The following ZNF14 variants were observed in gnomAD, a reference collection of about 807,000 sequenced individuals.
ZNF14 encodes the protein zinc finger protein 14, also known as gonadotropin inducible transcription repressor-4.
Under a neutral mutation model 11.3 loss-of-function variants are expected in ZNF14, and 9 were observed. That is an observed-to-expected ratio of 0.80 (90% CI 0.48 to 1.39). The LOEUF is 1.39. Ranked by LOEUF, ZNF14 falls within the 40% of genes most tolerant of loss-of-function variation. The pLI is 0.00. For missense variants in ZNF14, 711 were observed against 763.9 expected (o/e 0.93, Z 0.82); for synonymous variants, 239 against 245.7 (o/e 0.97, Z 0.25).
rs1411668065 is a variant in ZNF14, at chr19:19,712,563, T to A, written c.718A>T (p.Arg240Ter). 6.2e-7 allele frequency: 1 copy of A among 1,612,878 alleles called. No individual in the cohort carries two copies. The highest frequency in any genetic ancestry group is 2.2e-5 in the East Asian group (1 of 44,880). ...TCTCCAGTGTGAGTCCTTTTGTGTCTTTGAAAAGATTGGTAACATATAAAG... is the reference window on the plus strand; with the variant it reads ...TCTCCAGTGTGAGTCCTTTTGTGTCATTGAAAAGATTGGTAACATATAAAG... The part of the protein sequence containing the change: ...KAFICYQSFQ[R>*]HKRTHTGEKP... Residue 240 changes from arginine to a stop codon, truncating the protein, a stop_gained, in exon 4 of 4, where the codon AGA (arginine) becomes TGA (stop). Coordinates refer to ENST00000344099, the MANE Select transcript of ZNF14 (RefSeq NM_021030.3). LOFTEE classifies it low-confidence loss of function (END_TRUNC).
At position 19,712,113 on chromosome 19, in the gene ZNF14, GT is replaced by G; in HGVS notation, c.1167del (p.Lys389AsnfsTer317). 6.2e-7 allele frequency: 1 copy of G among 1,613,906 alleles called. No homozygotes were observed. The highest frequency in any genetic ancestry group is 1.1e-5 in the South Asian group (1 of 91,066). ...RLHERTHTGE[K>X]PYECKQCHKT... ...TTATGACACTGTTTACACTCATAAG[GT>G]TTCTCTCCAGTATGAGTTCTTTCAT... On this transcript the variant is annotated frameshift_variant, in exon 4 of 4. Coordinates refer to ENST00000344099, the MANE Select transcript of ZNF14 (RefSeq NM_021030.3). LOFTEE classifies it low-confidence loss of function (END_TRUNC).
intron 1 of ZNF14, among the ~76,000 whole-genome samples, chr19:19,719,988 G>C (rs188956350): frequency 6.6e-6 from 1 of 152,134 alleles, no homozygotes; most frequent in African/African-American, 2.4e-5. Context: ...AGTGACACAG[G>C]GGCATTATGT....
At chr19:19,717,676 G>C (rs146586645) in intron 1 of ZNF14, among the ~76,000 whole-genome samples, 59 of 152,242 alleles carry the variant, frequency 3.9e-4, no homozygotes, top group Non-Finnish European at 6.3e-4. Flanking sequence ...TAGGAGCTCT[G>C]TGCTAGGAAT....
rs775506473 is a variant in ZNF14, at chr19:19,712,425, TAC to T, written c.854_855del (p.Gly285GlufsTer13). 2 of 1,558,418 alleles carry T rather than the reference TAC, an allele frequency of 1.3e-6. No individual in the cohort carries two copies. Among genetic ancestry groups the T allele is most frequent in the African/African-American group, 2.7e-5 (2 of 74,242 alleles). ...GEKPYKCKECGKAFSFLSSFR... is the reference protein window; with the variant it reads ...GEKPYKCKECXKAFSFLSSFR... ...AAAGAACTGAGAAAACTGAAGGCTT[TAC>T]CACATTCTTTACATTTGTAGGGTTT... On this transcript the variant is annotated frameshift_variant, in exon 4 of 4. Transcript: ENST00000344099. LOFTEE classifies it low-confidence loss of function (END_TRUNC).
intron 1 of ZNF14, among the ~76,000 whole-genome samples, chr19:19,730,692 C>T (rs2062420815): frequency 6.6e-6 from 1 of 152,082 alleles, no homozygotes; most frequent in Non-Finnish European, 1.5e-5. Context: ...GCGGGCGGAT[C>T]ACCTGAGGTT....
At position 19,711,652 on chromosome 19, in the gene ZNF14, G is replaced by A. The variant is rs367674560; in HGVS notation, c.1629C>T (p.Ser543=). 3.1e-6 allele frequency: 5 copies of A among 1,613,518 alleles called. No homozygotes were observed. Among genetic ancestry groups the A allele is most frequent in the Non-Finnish European group, 2.5e-6 (3 of 1,179,896 alleles). The change falls in exon 4 of 4, where the codon TCC becomes TCT. Residue 543 remains serine (S), a synonymous_variant. Coordinates refer to ENST00000344099, the MANE Select transcript of ZNF14 (RefSeq NM_021030.3). ...CKQCGKAFLR[S]SQIRLHERTH... is the part of the protein sequence containing the mutation. ...TCCTTTCATGCAATCGAATTTGACT[G>A]GAACGAAGGAAGGCCTTACCACATT...
At chr19:19,729,898 T>C (rs1333154581) in intron 1 of ZNF14, among the ~76,000 whole-genome samples, 3 of 152,202 alleles carry the variant, frequency 2.0e-5, no homozygotes, top group East Asian at 1.9e-4. Context: ...TGGCTACATA[T>C]ACCTAGACCG....
At chr19:19,728,008 C>T (rs1272828159) in intron 1 of ZNF14, among the ~76,000 whole-genome samples, 2 of 132,204 alleles carry the variant, frequency 1.5e-5, no homozygotes, top group African/African-American at 5.6e-5. Context: ...CCCAGCCACT[C>T]GGGAGGCTGA....
chr19:19,728,754 A>G (rs1348134039), intron 1 of ZNF14, among the ~76,000 whole-genome samples: 1 of 132,886 alleles, frequency 7.5e-6, no homozygotes, highest in Admixed American at 7.4e-5. Context: ...CCACGGGAAA[A>G]AATACCAATG....
chr19:19,730,836 T>C (rs892948229), intron 1 of ZNF14, among the ~76,000 whole-genome samples: 2 of 152,070 alleles, frequency 1.3e-5, no homozygotes, highest in African/African-American at 4.8e-5. Flanking sequence ...CGCTTGAACC[T>C]GGAAGGCGGA....
At position 19,727,544 on chromosome 19, in the gene ZNF14, C is replaced by T. The variant is rs1389920276; in HGVS notation, c.3+5412G>A. 3.7e-5 allele frequency among the ~76,000 whole-genome samples: 5 copies of T among 133,440 alleles called. 1 individual carries two copies. Among genetic ancestry groups the T allele is most frequent in the Non-Finnish European group, 6.7e-5 (4 of 60,104 alleles). The allele number at this position is 133,440 out of a possible 152,430, so 87.5% of individuals were successfully genotyped here. On this transcript the variant is annotated intron_variant, in intron 1 of 3. Coordinates refer to ENST00000344099, the MANE Select transcript of ZNF14 (RefSeq NM_021030.3). ...AGCCACCGTAAAAATTCCTGAGCCT[C>T]GAATACATAGATATCCAACAATGCC...
Position 19,715,812 on chromosome 19 carries a change from A to G in ZNF14, c.4-1325T>C, listed in dbSNP as rs193014481. On this transcript the variant is annotated intron_variant, in intron 1 of 3. Transcript: ENST00000344099. Reference sequence around the variant, plus strand: ...CTTACATACAACTGAGTTTTTGCTTATACATTTTTAAAATTTCTTTTAATT... The same window carrying G: ...CTTACATACAACTGAGTTTTTGCTTGTACATTTTTAAAATTTCTTTTAATT... 6.6e-3 allele frequency among the ~76,000 whole-genome samples: 998 copies of G among 152,340 alleles called. 31 individuals are homozygous for G. The highest frequency in any genetic ancestry group is 0.059 in the Admixed American group (899 of 15,302).
chr19:19,730,575 C>G (rs2062420259), intron 1 of ZNF14, among the ~76,000 whole-genome samples: 1 of 152,198 alleles, frequency 6.6e-6, no homozygotes, highest in South Asian at 2.1e-4. Context: ...ACCCAATGTA[C>G]TAAGCGAAGT....
rs570206825 is a variant in ZNF14, at chr19:19,724,873, AG to A, written c.3+8082del. Among the ~76,000 whole-genome samples the A allele has an allele frequency of 2.0e-4, 26 of 132,508 alleles. 7 individuals carry two copies. In the South Asian group the frequency reaches 6.4e-3, roughly 33 times the overall value. The allele number at this position is 132,508 out of a possible 152,430, so 86.9% of individuals were successfully genotyped here. On this transcript the variant is annotated intron_variant, in intron 1 of 3. Coordinates refer to ENST00000344099, the MANE Select transcript of ZNF14 (RefSeq NM_021030.3). The stretch of plus-strand genomic sequence containing the variant: ...TCTCTTTTGATCTTTGTTGGTTTAA[AG>A]TCTGTTTTATCAGAGACTAGGATTG...
At position 19,711,535 on chromosome 19, in the gene ZNF14, C is replaced by T. The variant is rs914997838; in HGVS notation, c.1746G>A (p.Thr582=). Residue 582 remains threonine (T), a synonymous_variant, in exon 4 of 4, where the codon ACG becomes ACA. Coordinates refer to ENST00000344099, the MANE Select transcript of ZNF14 (RefSeq NM_021030.3). ...GTTTACATCGATAGGGTTTCTCTCC[C>T]GTGTGAGTTCTCTCATGCATTCGAA... ...SKFRMHERTH[T]GEKPYRCKQC... is the part of the protein sequence containing the mutation. 1.3e-5 allele frequency: 21 copies of T among 1,610,126 alleles called. No individual in the cohort carries two copies. The highest frequency in any genetic ancestry group is 4.4e-5 in the South Asian group (4 of 90,494).
Position 19,711,217 on chromosome 19 carries a change from T to C in ZNF14, c.*135A>G. The C allele has an allele frequency of 1.0e-6, 1 of 981,440 alleles. No homozygotes were observed. Among genetic ancestry groups the C allele is most frequent in the Non-Finnish European group, 1.4e-6 (1 of 698,440 alleles). The allele number at this position is 981,440 out of a possible 1,614,324, so 60.8% of individuals were successfully genotyped here. A position where few individuals can be genotyped will look rare whatever the true frequency, so the allele number is the denominator to read the frequency against. On this transcript the variant is annotated 3_prime_UTR_variant, in exon 4 of 4. Transcript: ENST00000344099. Reference sequence around the variant, plus strand: ...TTTCTCACCAGTGGGAATTCTTTCGTGCTCAAAAGAAACTGGAACAATTAA... The same window carrying C: ...TTTCTCACCAGTGGGAATTCTTTCGCGCTCAAAAGAAACTGGAACAATTAA...
intron 1 of ZNF14, among the ~76,000 whole-genome samples, chr19:19,723,246 C>T (rs1040072684): frequency 2.6e-5 from 4 of 152,140 alleles, no homozygotes; most frequent in African/African-American, 9.7e-5. Flanking sequence ...TTTTGAGATA[C>T]ATCCAATCAA....
chr19:19,732,445 AC>A (rs1437555384), intron 1 of ZNF14, among the ~76,000 whole-genome samples: 5 of 152,034 alleles, frequency 3.3e-5, no homozygotes, highest in Non-Finnish European at 7.4e-5. Context: ...GGTCAAAAAC[AC>A]CCCCAGACTT....
chr19:19,714,333 C>G (rs1439604963), intron 2 of ZNF14, 28 bp downstream of exon 2: 1 of 1,612,796 alleles, frequency 6.2e-7, no homozygotes, highest in Non-Finnish European at 8.5e-7. Context: ...CTATATTTAA[C>G]TGAGGAAAGA....
Sources: gnomAD v4.1 joint callset for allele counts (sites outside exome capture counted in the v4.1 genomes callset) on GRCh38, gnomAD v4.1.1 for gene constraint, MANE v1.5 for transcripts, NCBI Gene and HGNC (gene_info 2026-07-23, HGNC 2026-07-21) for gene names.